The following GRM8 variants were observed in gnomAD, a reference collection of about 807,000 sequenced individuals.
GRM8 encodes glutamate metabotropic receptor 8.
GRM8 carries 47 observed loss-of-function variants against 87.2 expected under a neutral mutation model. The ratio of observed to expected loss-of-function variants is 0.54; its 90% CI spans 0.43 to 0.69. The LOEUF (loss-of-function observed/expected upper bound fraction) is 0.69. GRM8 is among the 30% of genes least tolerant of loss of function. GRM8 has a pLI of 0.00. For synonymous variants in GRM8, 396 were observed against 404.5 expected (o/e 0.98, Z 0.25); for missense variants, 1,019 against 1,139.2 (o/e 0.89, Z 1.52).
intron 8 of GRM8, among the ~76,000 whole-genome samples, chr7:126,545,010 T>C (rs1816980273): frequency 6.6e-6 from 1 of 152,220 alleles, no homozygotes; most frequent in Admixed American, 6.5e-5. Context: ...TACTTGTTTT[T>C]ATCGTCCGAC....
At chr7:126,998,935 AC>A (rs1380509808) in intron 3 of GRM8, among the ~76,000 whole-genome samples, 1 of 151,854 alleles carries the variant, frequency 6.6e-6, no homozygotes. Context: ...ACTACAAAAG[AC>A]CCCAACTAGC....
At position 126,555,793 on chromosome 7, in the gene GRM8, G is replaced by A. The variant is rs566284375; in HGVS notation, c.1495-21906C>T. On this transcript the variant is annotated intron_variant, in intron 8 of 10. Transcript: ENST00000339582. ...GCTCACTTTATTCTTCCTAAAATAT[G>A]TGTGGAATACAAATGCTCTCAGATT... Among the ~76,000 whole-genome samples, 3 of 152,280 alleles carry A rather than the reference G, an allele frequency of 2.0e-5. No homozygotes were observed. In the South Asian group the frequency reaches 6.2e-4, roughly 32 times the overall value.
intron 3 of GRM8, among the ~76,000 whole-genome samples, chr7:126,934,198 G>A (rs1400985458): frequency 6.6e-6 from 1 of 152,120 alleles, no homozygotes; most frequent in Non-Finnish European, 1.5e-5. Context: ...AAAATACATA[G>A]CTCTAGTATA....
intron 7 of GRM8, among the ~76,000 whole-genome samples, chr7:126,704,879 C>G (rs1257239036): frequency 6.6e-6 from 1 of 152,138 alleles, no homozygotes; most frequent in Non-Finnish European, 1.5e-5. Flanking sequence ...TCCTGTGGTC[C>G]TGTGATCTCG....
chr7:126,872,135 T>A (rs759587419), intron 6 of GRM8, among the ~76,000 whole-genome samples: 15 of 152,248 alleles, frequency 9.9e-5, no homozygotes, highest in Non-Finnish European at 1.9e-4. Flanking sequence ...TCTTTGCATG[T>A]GCATAGGATG....
At chr7:126,813,838 A>G (rs924797808) in intron 6 of GRM8, among the ~76,000 whole-genome samples, 2 of 152,114 alleles carry the variant, frequency 1.3e-5, no homozygotes, top group Non-Finnish European at 2.9e-5. Context: ...CAACTTTTAT[A>G]ACAAGTAACC....
chr7:126,809,019 C>G (rs1793041927), intron 6 of GRM8, among the ~76,000 whole-genome samples: 1 of 152,154 alleles, frequency 6.6e-6, no homozygotes, highest in African/African-American at 2.4e-5. Flanking sequence ...AATCAAGAGT[C>G]ACCAGAGTTG....
chr7:126,574,230 G>C (rs541168812), intron 8 of GRM8, among the ~76,000 whole-genome samples: 1 of 152,240 alleles, frequency 6.6e-6, no homozygotes, highest in East Asian at 1.9e-4. Context: ...CATAGCTATT[G>C]GTTTAATAAA....
At chr7:126,817,787 G>A (rs891434098) in intron 6 of GRM8, among the ~76,000 whole-genome samples, 1 of 152,052 alleles carries the variant, frequency 6.6e-6, no homozygotes. Flanking sequence ...CAATGAAAAA[G>A]AATTAATTTC....
chr7:126,959,190 G>T (rs1011552767), intron 3 of GRM8, among the ~76,000 whole-genome samples: 3 of 152,116 alleles, frequency 2.0e-5, no homozygotes, highest in African/African-American at 7.2e-5. Flanking sequence ...AGACTGACTT[G>T]GTAGAACCTA....
intron 3 of GRM8, among the ~76,000 whole-genome samples, chr7:126,919,406 C>G (rs1486067967): frequency 6.6e-6 from 1 of 152,132 alleles, no homozygotes; most frequent in African/African-American, 2.4e-5. Flanking sequence ...CAATAAATTG[C>G]TTTTTGAAAA....
intron 1 of GRM8, among the ~76,000 whole-genome samples, chr7:127,245,477 T>C (rs1402735359): frequency 1.3e-5 from 2 of 152,186 alleles, no homozygotes; most frequent in East Asian, 3.9e-4. Context: ...TAGACGAACA[T>C]ACAAACAGCC....
chr7:127,097,480 T>C (rs1410838240), intron 3 of GRM8, among the ~76,000 whole-genome samples: 2 of 152,132 alleles, frequency 1.3e-5, no homozygotes, highest in Non-Finnish European at 2.9e-5. Flanking sequence ...ATAGTTAAGA[T>C]TGAAGGTAAT....
At chr7:126,975,730 T>C (rs1461969490) in intron 3 of GRM8, among the ~76,000 whole-genome samples, 1 of 152,156 alleles carries the variant, frequency 6.6e-6, no homozygotes, top group Non-Finnish European at 1.5e-5. Context: ...AATAATTATC[T>C]CCGGTAGTCT....
chr7:126,760,512 T>C (rs944164305), intron 7 of GRM8, among the ~76,000 whole-genome samples: 2 of 152,194 alleles, frequency 1.3e-5, no homozygotes, highest in Non-Finnish European at 2.9e-5. Flanking sequence ...CATGGTGATT[T>C]AATGGGTAAG....
intron 7 of GRM8, among the ~76,000 whole-genome samples, chr7:126,721,138 C>A (rs1812349218): frequency 6.6e-6 from 1 of 152,128 alleles, no homozygotes. Flanking sequence ...AGTGATTTTT[C>A]TTTTTATCCT....
chr7:127,131,263 G>A (rs1827670490), intron 2 of GRM8, among the ~76,000 whole-genome samples: 1 of 152,128 alleles, frequency 6.6e-6, no homozygotes, highest in Admixed American at 6.6e-5. Flanking sequence ...AAATGAAATT[G>A]GAGATCTTAT....
At chr7:126,679,164 C>T (rs900564550) in intron 7 of GRM8, among the ~76,000 whole-genome samples, 1 of 152,136 alleles carries the variant, frequency 6.6e-6, no homozygotes, top group Non-Finnish European at 1.5e-5. Flanking sequence ...AGCATAGTAC[C>T]TCCCTTCAAG....
chr7:126,459,492 G>GT (rs1355310527), intron 9 of GRM8, among the ~76,000 whole-genome samples: 2 of 151,482 alleles, frequency 1.3e-5, no homozygotes, highest in African/African-American at 4.8e-5. Flanking sequence ...TTTTCATTGT[G>GT]TATTAGGTAG....
Sources: gnomAD v4.1 joint callset for allele counts (sites outside exome capture counted in the v4.1 genomes callset) on GRCh38, gnomAD v4.1.1 for gene constraint, MANE v1.5 for transcripts, NCBI Gene and HGNC (gene_info 2026-07-23, HGNC 2026-07-21) for gene names.